Variants in PDE4D observed in about 807,000 individuals in gnomAD.
The protein encoded by PDE4D is 3',5'-cyclic-AMP phosphodiesterase 4D.
A neutral mutation model predicts 87.4 loss-of-function variants in PDE4D; 24 were observed. That is an observed-to-expected ratio of 0.27 (90% CI 0.20 to 0.39). PDE4D has a LOEUF of 0.39. PDE4D is among the 10% of genes least tolerant of loss of function. The pLI, the probability that PDE4D is intolerant of heterozygous loss-of-function variation, is 1.00. For missense variants in PDE4D, 714 were observed against 1,041.0 expected, an observed-to-expected ratio of 0.69 and a Z score of 4.32; for synonymous variants, 384 against 383.2, an observed-to-expected ratio of 1.00 and a Z score of -0.02.
intron 1 of PDE4D, among the ~76,000 whole-genome samples, chr5:59,408,123 C>A (rs13159276): frequency 0.089 from 13,555 of 152,250 alleles, 701 homozygotes; most frequent in Middle Eastern, 0.16. Context: ...ATCTTCTAGG[C>A]AGCTCCTCCC....
chr5:59,098,692 A>G, intron 5 of PDE4D, among the ~76,000 whole-genome samples: 1 of 137,164 alleles, frequency 7.3e-6, no homozygotes, highest in Non-Finnish European at 1.6e-5. Context: ...TGACAGAGAA[A>G]GACTCAAAAA....
At chr5:59,437,317 T>A (rs1354697206) in intron 1 of PDE4D, among the ~76,000 whole-genome samples, 1 of 152,200 alleles carries the variant, frequency 6.6e-6, no homozygotes, top group Non-Finnish European at 1.5e-5. Context: ...CTTCGACAGA[T>A]GTCCTATACT....
chr5:59,403,823 T>A (rs1197555023), intron 1 of PDE4D, among the ~76,000 whole-genome samples: 2 of 152,198 alleles, frequency 1.3e-5, no homozygotes, highest in East Asian at 3.8e-4. Flanking sequence ...TACCTAGAAG[T>A]GGGATTGCTG....
chr5:60,513,344 GAT>G (rs1750658593), intron 1 of PDE4D, among the ~76,000 whole-genome samples: 1 of 152,070 alleles, frequency 6.6e-6, no homozygotes, highest in African/African-American at 2.4e-5. Context: ...AACATTAATA[GAT>G]AAAGAGGAGG....
chr5:59,875,084 C>T (rs1426850136), intron 1 of PDE4D, among the ~76,000 whole-genome samples: 4 of 152,092 alleles, frequency 2.6e-5, no homozygotes, highest in Non-Finnish European at 5.9e-5. Flanking sequence ...ATTCTCTGCT[C>T]TTTTAGTGAT....
upstream of PDE4D, among the ~76,000 whole-genome samples, chr5:59,895,364 T>A (rs182461270): frequency 3.3e-5 from 5 of 152,356 alleles, no homozygotes; most frequent in East Asian, 9.6e-4. Flanking sequence ...TCCATCAGTT[T>A]AATATGAGCC....
intron 5 of PDE4D, among the ~76,000 whole-genome samples, chr5:59,156,353 G>GAAA (rs1780218265): frequency 7.0e-6 from 1 of 142,874 alleles, no homozygotes; most frequent in Non-Finnish European, 1.5e-5. Context: ...GTGTGTGTGT[G>GAAA]TGTGTGTGTG....
intron 3 of PDE4D, among the ~76,000 whole-genome samples, chr5:59,905,285 T>C (rs1752696016): frequency 6.6e-6 from 1 of 152,142 alleles, no homozygotes; most frequent in South Asian, 2.1e-4. Context: ...TTGTGGAGCG[T>C]GGCAAATGTA....
intron 1 of PDE4D, among the ~76,000 whole-genome samples, chr5:59,465,973 T>G (rs926442111): frequency 2.0e-5 from 3 of 152,220 alleles, no homozygotes; most frequent in Non-Finnish European, 4.4e-5. Context: ...GTTTTGTTTT[T>G]TTAGAATTTT....
At chr5:59,660,569 T>C (rs886321369) in intron 1 of PDE4D, among the ~76,000 whole-genome samples, 2 of 152,184 alleles carry the variant, frequency 1.3e-5, no homozygotes, top group Admixed American at 6.5e-5. Context: ...GTTGTGCTTT[T>C]GCCTTTTAAA....
At chr5:60,215,563 T>G (rs1743765900) in intron 1 of PDE4D, among the ~76,000 whole-genome samples, 1 of 152,178 alleles carries the variant, frequency 6.6e-6, no homozygotes, top group African/African-American at 2.4e-5. Context: ...TTCTTTTAAT[T>G]GAAAGTTTCC....
At chr5:59,198,174 A>G (rs545305865) in intron 2 of PDE4D, among the ~76,000 whole-genome samples, 32 of 152,320 alleles carry the variant, frequency 2.1e-4, no homozygotes, top group African/African-American at 6.7e-4. Context: ...AACCCTTAAC[A>G]AAAAACAGCT....
chr5:58,991,357 G>A (rs967101979), intron 8 of PDE4D, among the ~76,000 whole-genome samples: 1 of 152,152 alleles, frequency 6.6e-6, no homozygotes, highest in Non-Finnish European at 1.5e-5. Context: ...TTTAAACAAT[G>A]ATTCATTTTA....
At chr5:60,396,453 C>G (rs1049590912) in intron 1 of PDE4D, among the ~76,000 whole-genome samples, 1 of 152,152 alleles carries the variant, frequency 6.6e-6, no homozygotes, top group Admixed American at 6.5e-5. Context: ...CAGGGATTAC[C>G]CCATCTGAGA....
chr5:59,453,461 T>C (rs572647172), intron 1 of PDE4D, among the ~76,000 whole-genome samples: 1 of 152,336 alleles, frequency 6.6e-6, no homozygotes, highest in African/African-American at 2.4e-5. Flanking sequence ...AACAGCCAAG[T>C]TGTGAATGCA....
At chr5:60,347,796 C>T (rs1313007168) in intron 1 of PDE4D, among the ~76,000 whole-genome samples, 1 of 152,058 alleles carries the variant, frequency 6.6e-6, no homozygotes, top group Non-Finnish European at 1.5e-5. Context: ...AGAAGTTCAC[C>T]TGCCATGATG....
At chr5:60,167,851 A>C (rs1312363960) in intron 2 of PDE4D, among the ~76,000 whole-genome samples, 1 of 152,134 alleles carries the variant, frequency 6.6e-6, no homozygotes, top group South Asian at 2.1e-4. Context: ...TATTCTGTCC[A>C]TTTGGTGTCA....
chr5:59,493,041 A>C (rs1242660912), intron 1 of PDE4D, among the ~76,000 whole-genome samples: 1 of 152,148 alleles, frequency 6.6e-6, no homozygotes. Flanking sequence ...AAATGGACTA[A>C]TATGATCTAT....
chr5:59,671,912 TC>T (rs1254430713), intron 1 of PDE4D, among the ~76,000 whole-genome samples: 1 of 152,162 alleles, frequency 6.6e-6, no homozygotes, highest in African/African-American at 2.4e-5. Flanking sequence ...GAATTCCTTG[TC>T]CCTAGATTTT....
Sources: gnomAD v4.1 joint callset for allele counts (sites outside exome capture counted in the v4.1 genomes callset) on GRCh38, gnomAD v4.1.1 for gene constraint, MANE v1.5 for transcripts, NCBI Gene and HGNC (gene_info 2026-07-23, HGNC 2026-07-21) for gene names.